GAS2: variants seen among roughly 807,000 people sequenced by gnomAD.
The protein encoded by GAS2 is growth arrest specific 2, also known as growth arrest-specific protein 2.
Under a neutral mutation model 37.5 loss-of-function variants are expected in GAS2, and 20 were observed. The ratio of observed to expected loss-of-function variants is 0.53; its 90% confidence interval spans 0.37 to 0.77. The LOEUF (loss-of-function observed/expected upper bound fraction) is 0.77. GAS2 is among the 30% of genes least tolerant of loss of function. The pLI is 0.00. For missense variants in GAS2, 336 were observed against 373.4 expected, an observed-to-expected ratio of 0.90 and a Z score of 0.82; for synonymous variants, 144 against 132.2, an observed-to-expected ratio of 1.09 and a Z score of -0.61.
intron 2 of GAS2, among the ~76,000 whole-genome samples, chr11:22,680,139 C>T (rs1333243670): frequency 3.3e-5 from 5 of 152,014 alleles, no homozygotes; most frequent in Non-Finnish European, 7.4e-5. Flanking sequence ...GGCCCTTTTA[C>T]CAGATACTTA....
intron 5 of GAS2, among the ~76,000 whole-genome samples, chr11:22,739,687 A>G (rs1158604042): frequency 6.6e-6 from 1 of 151,986 alleles, no homozygotes; most frequent in East Asian, 1.9e-4. Flanking sequence ...GTTCAAGTAA[A>G]AGAAATATGG....
At chr11:22,780,150 T>G (rs1590122287) in intron 7 of GAS2, among the ~76,000 whole-genome samples, 1 of 152,180 alleles carries the variant, frequency 6.6e-6, no homozygotes, top group Admixed American at 6.5e-5. Flanking sequence ...TACAGGATTT[T>G]GGGAAGTTGG....
chr11:22,647,990 T>C (rs1275933513), intron 1 of GAS2, among the ~76,000 whole-genome samples: 2 of 152,206 alleles, frequency 1.3e-5, no homozygotes, highest in East Asian at 3.8e-4. Flanking sequence ...AGACATGAAG[T>C]CCTTGCCCAT....
chr11:22,700,778 G>A (rs528178560), intron 3 of GAS2, among the ~76,000 whole-genome samples: 10 of 152,252 alleles, frequency 6.6e-5, no homozygotes, highest in African/African-American at 1.4e-4. Context: ...TCAGATGAGC[G>A]ATAGCTAATG....
At chr11:22,786,860 A>G in intron 7 of GAS2, among the ~76,000 whole-genome samples, 1 of 152,130 alleles carries the variant, frequency 6.6e-6, no homozygotes, top group East Asian at 1.9e-4. Flanking sequence ...GGCTTCTACT[A>G]CTTCTTAAAA....
intron 7 of GAS2, among the ~76,000 whole-genome samples, chr11:22,786,081 C>G (rs1239941901): frequency 6.6e-6 from 1 of 152,134 alleles, no homozygotes; most frequent in Non-Finnish European, 1.5e-5. Flanking sequence ...TTTTATTGTT[C>G]TATCTGTCCA....
chr11:22,667,708 T>A (rs1281938723), intron 1 of GAS2, among the ~76,000 whole-genome samples: 1 of 152,186 alleles, frequency 6.6e-6, no homozygotes, highest in Non-Finnish European at 1.5e-5. Flanking sequence ...GAAGTTTCCA[T>A]TGTCTTGAAT....
chr11:22,754,396 C>T (rs1853906807), intron 6 of GAS2, among the ~76,000 whole-genome samples: 3 of 151,942 alleles, frequency 2.0e-5, no homozygotes, highest in Admixed American at 2.0e-4. Flanking sequence ...ATACAATATG[C>T]TATGATAAAA....
chr11:22,686,269 C>T (rs1849941708), intron 3 of GAS2, among the ~76,000 whole-genome samples: 1 of 152,134 alleles, frequency 6.6e-6, no homozygotes, highest in Non-Finnish European at 1.5e-5. Context: ...TTATTTCTAA[C>T]TGCTCAGATT....
chr11:22,756,011 G>A lies in GAS2; in HGVS notation c.723+58G>A, dbSNP rs562440123. 15 of 1,206,120 alleles carry A rather than the reference G, an allele frequency of 1.2e-5. No individual in the cohort carries two copies. In the Admixed American group the frequency reaches 2.7e-4, roughly 22 times the overall value. The allele number at this position is 1,206,120 out of a possible 1,614,324, so 74.7% of individuals were successfully genotyped here. On this transcript the variant is annotated intron_variant, in intron 7 of 7. Coordinates refer to ENST00000454584, the MANE Select transcript of GAS2 (RefSeq NM_001143830.3). ...ATGGGAAGATTCAGAATTTGAGTTA[G>A]GGGAAATATGACAGATAAGAGCAGG...
intron 5 of GAS2, among the ~76,000 whole-genome samples, chr11:22,743,729 T>C (rs982177742): frequency 6.6e-6 from 1 of 151,860 alleles, no homozygotes; most frequent in Non-Finnish European, 1.5e-5. Flanking sequence ...AAGTAGGTTA[T>C]AAAGGAAATA....
intron 1 of GAS2, among the ~76,000 whole-genome samples, chr11:22,640,386 T>A (rs1322054495): frequency 6.6e-6 from 1 of 152,226 alleles, no homozygotes; most frequent in Non-Finnish European, 1.5e-5. Flanking sequence ...ATAATCATAG[T>A]AATGTTTAAC....
chr11:22,787,867 A>C (rs1448534198), intron 7 of GAS2, among the ~76,000 whole-genome samples: 4 of 152,188 alleles, frequency 2.6e-5, no homozygotes, highest in Non-Finnish European at 5.9e-5. Context: ...GTTCTTTTGA[A>C]AGAGATCTTA....
intron 3 of GAS2, among the ~76,000 whole-genome samples, chr11:22,697,382 C>T (rs1850584260): frequency 6.6e-6 from 1 of 152,178 alleles, no homozygotes; most frequent in Non-Finnish European, 1.5e-5. Flanking sequence ...TAGCATGATT[C>T]CTCCAGCTTT....
At chr11:22,742,462 A>G (rs1356015584) in intron 5 of GAS2, among the ~76,000 whole-genome samples, 1 of 152,084 alleles carries the variant, frequency 6.6e-6, no homozygotes, top group African/African-American at 2.4e-5. Flanking sequence ...CAAGCCCCCA[A>G]CCCAAAGGGA....
upstream of GAS2, among the ~76,000 whole-genome samples, chr11:22,662,845 TGTGTCCCTGGGCAACATAGTGGGACC>T (rs1398902711): frequency 6.6e-6 from 1 of 151,862 alleles, no homozygotes; most frequent in Non-Finnish European, 1.5e-5. Flanking sequence ...ATAGTGGGAC[TGTGTCCCTGGGCAACATAGTGGGACC>T]GTGTCTCTGC....
chr11:22,703,142 T>C (rs1176945374), intron 3 of GAS2, among the ~76,000 whole-genome samples: 1 of 152,128 alleles, frequency 6.6e-6, no homozygotes, highest in East Asian at 1.9e-4. Context: ...ATCTACGTGA[T>C]TTCCTAGCAC....
chr11:22,789,423 G>GATATATATAAATATATATATATATAA lies in GAS2; in HGVS notation c.724-22374_724-22373insTATATATAAATATATATATATATAAA, dbSNP rs1491294585. ...GTGTGTATGTGTGTGTATCTCATATGAGATATATATATATATATATATATA... is the reference window on the plus strand; with the variant it reads ...GTGTGTATGTGTGTGTATCTCATATGATATATATAAATATATATATATATAAAGATATATATATATATATATATATA... On this transcript the variant is annotated intron_variant, in intron 7 of 7. Transcript: ENST00000454584. Among the ~76,000 whole-genome samples, 25 of 71,162 alleles carry GATATATATAAATATATATATATATAA rather than the reference G, an allele frequency of 3.5e-4. 5 individuals carry two copies. The highest frequency in any genetic ancestry group is 1.0e-3 in the East Asian group (3 of 2,878). The allele number at this position is 71,162 out of a possible 152,430, so 46.7% of individuals were successfully genotyped here. A position where few individuals can be genotyped will look rare whatever the true frequency, so the allele number is the denominator to read the frequency against.
intron 1 of GAS2, among the ~76,000 whole-genome samples, chr11:22,635,635 A>C (rs1303889327): frequency 2.0e-5 from 3 of 152,092 alleles, no homozygotes; most frequent in Non-Finnish European, 4.4e-5. Flanking sequence ...AGTACTTCCC[A>C]CTTGTCTCAG....
Sources: allele counts gnomAD v4.1 joint callset (sites outside exome capture counted in the v4.1 genomes callset), GRCh38; gene constraint gnomAD v4.1.1; transcripts MANE v1.5; gene names NCBI Gene and HGNC (gene_info 2026-07-23, HGNC 2026-07-21).